MAML3: variants seen among roughly 807,000 people sequenced by gnomAD.
MAML3 encodes mastermind-like protein 3.
Under a neutral mutation model 101.9 loss-of-function variants are expected in MAML3, and 27 were observed. The ratio of observed to expected loss-of-function variants is 0.27; its 90% CI spans 0.20 to 0.37. MAML3 has a LOEUF of 0.37. Ranked by LOEUF, MAML3 falls within the 10% of genes least tolerant of loss-of-function variation. The pLI is 1.00. For synonymous variants in MAML3, 501 were observed against 555.9 expected, an observed-to-expected ratio of 0.90 and a Z score of 1.39; for missense variants, 1,316 against 1,444.9, an observed-to-expected ratio of 0.91 and a Z score of 1.45.
chr4:140,040,106 T>C (rs1260974679), intron 1 of MAML3, among the ~76,000 whole-genome samples: 1 of 152,188 alleles, frequency 6.6e-6, no homozygotes, highest in East Asian at 1.9e-4. Context: ...GAATTCTGAC[T>C]TTTTTCCTTT....
chr4:139,735,152 G>C lies in MAML3; in HGVS notation c.2080-4485C>G, dbSNP rs1051521286. ...CAAGTGTTACTGCGTACAGCAGGTA[G>C]CCTGGCAACTGAGAGCACAATACCG... On this transcript the variant is annotated intron_variant, in intron 2 of 4. Transcript: ENST00000509479. This position sits in a 1 kb window ranked among gnomAD's most constrained non-coding sequence, Gnocchi z 5.8. 5.9e-5 allele frequency among the ~76,000 whole-genome samples: 9 copies of C among 152,254 alleles called. No homozygotes were observed. Among genetic ancestry groups the C allele is most frequent in the African/African-American group, 1.4e-4 (6 of 41,460 alleles).
chr4:140,122,660 C>T (rs970208514), intron 1 of MAML3, among the ~76,000 whole-genome samples: 20 of 150,858 alleles, frequency 1.3e-4, no homozygotes, highest in African/African-American at 3.6e-4. Context: ...GGCGTAGTGG[C>T]GGGCGCCTGT....
At chr4:140,082,662 G>A (rs1015823792) in intron 1 of MAML3, among the ~76,000 whole-genome samples, 1 of 152,090 alleles carries the variant, frequency 6.6e-6, no homozygotes, top group Non-Finnish European at 1.5e-5. Flanking sequence ...TTCACACGGG[G>A]CGGGCACAAA....
chr4:140,074,928 C>T (rs901894183), intron 1 of MAML3, among the ~76,000 whole-genome samples: 2 of 152,120 alleles, frequency 1.3e-5, no homozygotes, highest in African/African-American at 2.4e-5. Flanking sequence ...AAATGAATTT[C>T]GTGTTTAGAA....
At chr4:140,038,028 G>A (rs1262986806) in intron 1 of MAML3, among the ~76,000 whole-genome samples, 1 of 152,226 alleles carries the variant, frequency 6.6e-6, no homozygotes, top group African/African-American at 2.4e-5. Context: ...GATATCTTCT[G>A]CAGAGGGCAC....
intron 1 of MAML3, among the ~76,000 whole-genome samples, chr4:140,020,583 C>CA (rs1726716593): frequency 2.6e-5 from 4 of 152,130 alleles, no homozygotes; most frequent in Non-Finnish European, 5.9e-5. Flanking sequence ...TGGCATCAAA[C>CA]TCTCTTTGTT....
At chr4:139,826,255 G>A (rs1169711347) in intron 2 of MAML3, among the ~76,000 whole-genome samples, 1 of 152,060 alleles carries the variant, frequency 6.6e-6, no homozygotes, top group African/African-American at 2.4e-5. Flanking sequence ...CTGGAAAGCG[G>A]ACATGGGCTG....
intron 2 of MAML3, among the ~76,000 whole-genome samples, chr4:139,848,671 A>C (rs917709910): frequency 3.9e-5 from 6 of 152,232 alleles, no homozygotes; most frequent in Non-Finnish European, 8.8e-5. Context: ...AAAATTCTTG[A>C]GAGATATGCA....
At chr4:139,768,571 A>G (rs1484367421) in intron 2 of MAML3, among the ~76,000 whole-genome samples, 1 of 152,232 alleles carries the variant, frequency 6.6e-6, no homozygotes, top group Non-Finnish European at 1.5e-5. Flanking sequence ...ATACCTCCTT[A>G]TGAATCAATA....
intron 1 of MAML3, among the ~76,000 whole-genome samples, chr4:140,004,519 G>A (rs1726408716): frequency 6.6e-6 from 1 of 151,824 alleles, no homozygotes; most frequent in African/African-American, 2.4e-5. Context: ...CACAAAACCA[G>A]TAAGAAAGGG....
chr4:139,725,863 G>A (rs1579363139), intron 3 of MAML3, 28 bp from the exon 4 acceptor site: 4 of 1,589,524 alleles, frequency 2.5e-6, no homozygotes, highest in Non-Finnish European at 3.5e-6. Flanking sequence ...AAGAGGGGTG[G>A]AGAGGTGAGA....
At chr4:139,947,818 C>T (rs1733757707) in intron 1 of MAML3, among the ~76,000 whole-genome samples, 1 of 152,104 alleles carries the variant, frequency 6.6e-6, no homozygotes, top group Non-Finnish European at 1.5e-5. Context: ...AAAGCTACCA[C>T]TTGCTGGGCA....
intron 1 of MAML3, among the ~76,000 whole-genome samples, chr4:139,915,173 G>A (rs1171864654): frequency 2.0e-5 from 3 of 152,164 alleles, no homozygotes; most frequent in Non-Finnish European, 4.4e-5. Context: ...TCTGTTGTTG[G>A]AGGAGCAAGG....
intron 1 of MAML3, among the ~76,000 whole-genome samples, chr4:139,996,101 T>C (rs1277837268): frequency 1.3e-5 from 2 of 152,184 alleles, no homozygotes; most frequent in East Asian, 1.9e-4. Context: ...TTTAATTACA[T>C]TGTGGTTGGA....
At chr4:139,823,659 T>C (rs756094633) in intron 2 of MAML3, among the ~76,000 whole-genome samples, 44 of 150,636 alleles carry the variant, frequency 2.9e-4, no homozygotes, top group Non-Finnish European at 4.7e-4. Flanking sequence ...CTCACCCCGC[T>C]CTGCTTTTTC....
chr4:140,112,954 G>A (rs190622060), intron 1 of MAML3, among the ~76,000 whole-genome samples: 71 of 152,266 alleles, frequency 4.7e-4, no homozygotes, highest in African/African-American at 1.6e-3. Flanking sequence ...GAGTTTTGTA[G>A]GGCCTGAAGT....
At position 139,890,791 on chromosome 4, in the gene MAML3, A is replaced by T; in HGVS notation, c.645T>A (p.Ala215=). 1 of 1,614,056 alleles carries T rather than the reference A, an allele frequency of 6.2e-7. No individual in the cohort carries two copies. The highest frequency in any genetic ancestry group is 8.5e-7 in the Non-Finnish European group (1 of 1,179,902). The change falls in exon 2 of 5, where the codon GCT becomes GCA. Residue 215 remains alanine, a synonymous_variant. Coordinates refer to ENST00000509479, the MANE Select transcript of MAML3 (RefSeq NM_018717.5). This position sits in a 1 kb window ranked among gnomAD's most constrained non-coding sequence, Gnocchi z 4.1. ...TCAGGTCAAGTTGGTGAAGAGGAGA[A>T]GCTGAAGGCAGTGGCATGTTACTGG... The part of the protein sequence containing the change: ...NLPSNMPLPS[A]SPLHQLDLKP...
chr4:139,904,389 A>T (rs1166287770), intron 1 of MAML3, among the ~76,000 whole-genome samples: 2 of 152,236 alleles, frequency 1.3e-5, no homozygotes, highest in Admixed American at 1.3e-4. Context: ...CTGAACATCT[A>T]CTGGGTGCTG....
chr4:140,087,302 A>G (rs1437485914), intron 1 of MAML3, among the ~76,000 whole-genome samples: 1 of 152,230 alleles, frequency 6.6e-6, no homozygotes, highest in Non-Finnish European at 1.5e-5. Context: ...CTCAATGAAT[A>G]TGACTTCATA....
Sources: allele counts gnomAD v4.1 joint callset (sites outside exome capture counted in the v4.1 genomes callset), GRCh38; gene constraint gnomAD v4.1.1; non-coding constraint Gnocchi (gnomAD v3.1); transcripts MANE v1.5; gene names NCBI Gene and HGNC (gene_info 2026-07-23, HGNC 2026-07-21).